The following TRIO variants were observed in gnomAD, a reference collection of about 807,000 sequenced individuals.
The protein encoded by TRIO is trio Rho guanine nucleotide exchange factor, also known as triple functional domain protein.
In TRIO, 58 loss-of-function variants were observed where a neutral mutation model predicts 351.9. The ratio of observed to expected loss-of-function variants is 0.16; its 90% CI spans 0.13 to 0.21. TRIO has a LOEUF of 0.21. Ranked by LOEUF, TRIO falls within the 10% of genes least tolerant of loss-of-function variation. TRIO has a pLI of 1.00. For synonymous variants in TRIO, 1,758 were observed against 1,595.7 expected, an observed-to-expected ratio of 1.10 and a Z score of -2.42; for missense variants, 3,201 against 4,027.8, an observed-to-expected ratio of 0.79 and a Z score of 5.56.
chr5:14,278,212 A>G (rs1269258988), intron 2 of TRIO, among the ~76,000 whole-genome samples: 1 of 152,204 alleles, frequency 6.6e-6, no homozygotes, highest in African/African-American at 2.4e-5. Flanking sequence ...GGGGCTGTCA[A>G]AACTTCTGCA....
intron 34 of TRIO, 42 bp downstream of exon 34, chr5:14,420,063 G>C: frequency 6.3e-7 from 1 of 1,597,058 alleles, no homozygotes; most frequent in Non-Finnish European, 8.6e-7. Flanking sequence ...CCTACTGGAA[G>C]TGGCCCTGGA....
At chr5:14,279,590 T>A (rs935908846) in intron 2 of TRIO, among the ~76,000 whole-genome samples, 1 of 152,142 alleles carries the variant, frequency 6.6e-6, no homozygotes, top group African/African-American at 2.4e-5. Context: ...ACCATAAGCG[T>A]TTAGTGATAC....
At chr5:14,404,161 G>A (rs1236450171) in intron 31 of TRIO, among the ~76,000 whole-genome samples, 3 of 151,846 alleles carry the variant, frequency 2.0e-5, no homozygotes, top group Non-Finnish European at 2.9e-5. Flanking sequence ...GGTAGAGAAC[G>A]TGATGGGAAT....
At chr5:14,197,045 A>G (rs1388544902) in intron 1 of TRIO, among the ~76,000 whole-genome samples, 1 of 152,214 alleles carries the variant, frequency 6.6e-6, no homozygotes, top group Non-Finnish European at 1.5e-5. Flanking sequence ...TGTAAAAAAC[A>G]TCGTTGGATT....
chr5:14,252,270 C>T (rs1219139318), intron 1 of TRIO, among the ~76,000 whole-genome samples: 5 of 152,182 alleles, frequency 3.3e-5, no homozygotes, highest in East Asian at 1.9e-4. Context: ...AATTCTACAT[C>T]GATTCCTTGC....
rs1316794769 is a variant in TRIO at position 14,462,747 on chromosome 5, G to A, written c.5497-8G>A. On this transcript the variant is annotated splice_region_variant and splice_polypyrimidine_tract_variant and intron_variant, in intron 35 of 56. Transcript: ENST00000344204. Reference sequence around the variant, plus strand: ...GAATATAATGAGCAAATCTTGACTGGATTTCAGAGAGGCCGGAACGAGGGC... The same window carrying A: ...GAATATAATGAGCAAATCTTGACTGAATTTCAGAGAGGCCGGAACGAGGGC... The A allele has an allele frequency of 1.2e-6, 2 of 1,614,002 alleles. No homozygotes were observed. The highest frequency in any genetic ancestry group is 1.7e-6 in the Non-Finnish European group (2 of 1,179,910).
chr5:14,326,417 G>A (rs1324944989), intron 9 of TRIO, among the ~76,000 whole-genome samples: 2 of 152,210 alleles, frequency 1.3e-5, no homozygotes, highest in Non-Finnish European at 2.9e-5. Context: ...TGTTTCAAGT[G>A]TGCACGGTCC....
At chr5:14,208,091 A>G (rs931803020) in intron 1 of TRIO, among the ~76,000 whole-genome samples, 11 of 152,262 alleles carry the variant, frequency 7.2e-5, no homozygotes, top group Non-Finnish European at 1.2e-4. Flanking sequence ...TTTGGAAAAC[A>G]GTTTGCAGTT....
At chr5:14,394,246 T>C (rs1249751127) in intron 28 of TRIO, 116 bp downstream of exon 28, 1 of 633,932 alleles carries the variant, frequency 1.6e-6, no homozygotes, top group Non-Finnish European at 2.6e-6. Context: ...CAATTAATTT[T>C]ACTTTTTAAT....
chr5:14,264,863 C>A (rs986158614), intron 1 of TRIO, among the ~76,000 whole-genome samples: 8 of 152,312 alleles, frequency 5.3e-5, no homozygotes, highest in South Asian at 2.1e-4. Flanking sequence ...CAAACTGATG[C>A]AGATTTATCA....
chr5:14,409,865 A>AGG (rs1467170473), intron 33 of TRIO, among the ~76,000 whole-genome samples: 1 of 150,844 alleles, frequency 6.6e-6, no homozygotes, highest in Non-Finnish European at 1.5e-5. Flanking sequence ...AAATCCCTGA[A>AGG]GGGTCTCTCC....
rs771295738 is a variant in TRIO, at chr5:14,477,063, G to A, written c.6153+100G>A. ...GAACTCACTTATACTTTATGTAAGT[G>A]CGTATGTTTAAGATAAAATCAAACT... On this transcript the variant is annotated intron_variant, in intron 41 of 56. Coordinates refer to ENST00000344204, the MANE Select transcript of TRIO (RefSeq NM_007118.4). 1.4e-5 allele frequency: 14 copies of A among 1,028,072 alleles called. No individual in the cohort carries two copies. The African/African-American group carries it at 2.0e-4, about 14-fold the overall frequency. 63.7% of individuals were successfully genotyped at this position (1,028,072 alleles called of 1,614,324 possible).
intron 10 of TRIO, among the ~76,000 whole-genome samples, chr5:14,335,321 T>C (rs2152318447): frequency 6.6e-6 from 1 of 152,270 alleles, no homozygotes; most frequent in Middle Eastern, 3.4e-3. Flanking sequence ...ATGAGACGCC[T>C]TCCCTGCTCA....
intron 34 of TRIO, among the ~76,000 whole-genome samples, chr5:14,435,190 C>T (rs1190213016): frequency 2.0e-5 from 3 of 152,076 alleles, no homozygotes; most frequent in Non-Finnish European, 4.4e-5. Flanking sequence ...CTGAGTACAG[C>T]AGGGTTTTAT....
chr5:14,439,328 G>A (rs1360672743), intron 34 of TRIO, among the ~76,000 whole-genome samples: 1 of 152,180 alleles, frequency 6.6e-6, no homozygotes, highest in Non-Finnish European at 1.5e-5. Context: ...CTTGAGATTT[G>A]AAGTGATCAG....
At chr5:14,225,144 T>C (rs1457775264) in intron 1 of TRIO, among the ~76,000 whole-genome samples, 1 of 152,130 alleles carries the variant, frequency 6.6e-6, no homozygotes, top group African/African-American at 2.4e-5. Context: ...AGAATCAGTG[T>C]AGAGTTATTG....
intron 34 of TRIO, among the ~76,000 whole-genome samples, chr5:14,454,996 CTT>C (rs1753158410): frequency 6.6e-6 from 1 of 151,520 alleles, no homozygotes; most frequent in Admixed American, 6.6e-5. Flanking sequence ...GTTTGTATCT[CTT>C]GTCCAGAGTT....
chr5:14,179,328 TAATTA>T (rs1789605868), intron 1 of TRIO, among the ~76,000 whole-genome samples: 1 of 152,242 alleles, frequency 6.6e-6, no homozygotes, highest in Non-Finnish European at 1.5e-5. Context: ...TATTTGTTCT[TAATTA>T]CTCTGTAATA....
intron 1 of TRIO, among the ~76,000 whole-genome samples, chr5:14,150,719 C>G (rs1787779438): frequency 6.6e-6 from 1 of 152,168 alleles, no homozygotes; most frequent in Non-Finnish European, 1.5e-5. Flanking sequence ...TAATTATTCT[C>G]TAAGTAAACT....
Sources: gnomAD v4.1 joint callset for allele counts (sites outside exome capture counted in the v4.1 genomes callset) on GRCh38, gnomAD v4.1.1 for gene constraint, MANE v1.5 for transcripts, NCBI Gene and HGNC (gene_info 2026-07-23, HGNC 2026-07-21) for gene names.